The following PRMT7 variants were observed in gnomAD, a reference collection of about 807,000 sequenced individuals.
The protein encoded by PRMT7 is protein arginine methyltransferase 7.
Under a neutral mutation model 85.4 loss-of-function variants are expected in PRMT7, and 75 were observed. The observed-to-expected ratio is 0.88, with a 90% CI of 0.73 to 1.06. The LOEUF is 1.06. PRMT7 is among the 50% of genes least tolerant of loss of function. The pLI is 0.00. For synonymous variants in PRMT7, 397 were observed against 359.5 expected (o/e 1.10, Z -1.18); for missense variants, 868 against 915.2 (o/e 0.95, Z 0.67).
rs772978483 is a variant in PRMT7 at position 68,353,511 on chromosome 16, G to C, written c.1595G>C (p.Ser532Thr). The C allele has an allele frequency of 8.0e-5, 129 of 1,607,738 alleles. No homozygotes were observed. Among genetic ancestry groups the C allele is most frequent in the Non-Finnish European group, 1.0e-4 (119 of 1,177,362 alleles). ...TCACAGGACCTGTGGCGGATCCGGA[G>C]CCCCTGTGGTGACTGCGAAGGCTTC... is the stretch of plus-strand genomic sequence containing the variant. ...VEFRDLWRIR[S>T]PCGDCEGFDV... Residue 532 changes from serine (S) to threonine (T), a missense_variant, in exon 16 of 19, where the codon AGC becomes ACC. Physicochemically the swap from Ser to Thr is moderately conservative, Grantham distance 58 (BLOSUM62 1). Transcript: ENST00000441236.
chr16:68,324,958 C>G, intron 5 of PRMT7, 126 bp downstream of exon 5: 3 of 1,262,848 alleles, frequency 2.4e-6, no homozygotes, highest in Non-Finnish European at 3.3e-6. Flanking sequence ...AGCACAGAGC[C>G]AGGCTCTGAG....
intron 5 of PRMT7, among the ~76,000 whole-genome samples, chr16:68,327,280 T>G (rs1414502198): frequency 6.6e-6 from 1 of 152,208 alleles, no homozygotes; most frequent in Non-Finnish European, 1.5e-5. Flanking sequence ...GGTTTCCACT[T>G]CGTGTGTAGG....
At chr16:68,358,787 G>C (rs535020538), downstream of PRMT7, 6 of 152,588 alleles carry the variant, frequency 3.9e-5, no homozygotes, top group Admixed American at 2.0e-4. Flanking sequence ...GCCCACCCCT[G>C]CTAGGCCTTA....
At chr16:68,349,256 T>A (rs1220763709) in intron 14 of PRMT7, among the ~76,000 whole-genome samples, 1 of 152,140 alleles carries the variant, frequency 6.6e-6, no homozygotes, top group Non-Finnish European at 1.5e-5. Flanking sequence ...CACTGCTCCG[T>A]GGCACTCTCC....
Position 68,355,805 on chromosome 16 carries a change from G to A in PRMT7, c.1733G>A (p.Trp578Ter). The stretch of plus-strand genomic sequence containing the variant: ...CCATGCCGCAGCCTCTCCGAGCCCT[G>A]GCAGATCCTGACCTTTGACTTCCAG... Reference protein sequence around the residue: ...EYPCRSLSEPWQILTFDFQQP... With the variant: ...EYPCRSLSEP The change falls in exon 17 of 19, where the codon TGG (tryptophan) becomes TAG (stop). Residue 578 changes from tryptophan (W) to a stop codon, truncating the protein, a stop_gained. Coordinates refer to ENST00000441236, the MANE Select transcript of PRMT7 (RefSeq NM_019023.5). LOFTEE classifies it high-confidence loss of function. 1 of 1,611,730 alleles carries A rather than the reference G, an allele frequency of 6.2e-7. No individual in the cohort carries two copies. The highest frequency in any genetic ancestry group is 1.1e-5 in the South Asian group (1 of 90,916).
intron 6 of PRMT7, among the ~76,000 whole-genome samples, chr16:68,335,836 G>A (rs2084605672): frequency 6.6e-6 from 1 of 151,426 alleles, no homozygotes; most frequent in Non-Finnish European, 1.5e-5. Context: ...GAGTGCAGTG[G>A]CGTGATCTCG....
At chr16:68,348,952 C>T (rs2086848207) in intron 14 of PRMT7, among the ~76,000 whole-genome samples, 1 of 152,102 alleles carries the variant, frequency 6.6e-6, no homozygotes, top group South Asian at 2.1e-4. Flanking sequence ...CTGCTCTTAG[C>T]TCAGCCTCAT....
intron 6 of PRMT7, among the ~76,000 whole-genome samples, chr16:68,335,846 G>A (rs892557760): frequency 6.7e-6 from 1 of 148,296 alleles, no homozygotes; most frequent in Non-Finnish European, 1.5e-5. Flanking sequence ...GCGTGATCTC[G>A]GCTCACTGCA....
At chr16:68,330,699 A>T (rs2083744826) in intron 6 of PRMT7, among the ~76,000 whole-genome samples, 1 of 152,052 alleles carries the variant, frequency 6.6e-6, no homozygotes. Flanking sequence ...TGTTCAAGCG[A>T]TTCTCCTGCT....
chr16:68,357,116 TCCCAGAG>T lies in PRMT7; in HGVS notation c.1973_1979del (p.Pro658HisfsTer37). ...TCTACTTCTTCAGCCCTGCCCCAGA[TCCCAGAG>T]CACTGCTGGGTGGCCCACGGACTGT... On this transcript the variant is annotated frameshift_variant, in exon 19 of 19. Coordinates refer to ENST00000441236, the MANE Select transcript of PRMT7 (RefSeq NM_019023.5). LOFTEE classifies it low-confidence loss of function (END_TRUNC). 1 of 1,613,912 alleles carries T rather than the reference TCCCAGAG, an allele frequency of 6.2e-7. No homozygotes were observed. The highest frequency in any genetic ancestry group is 8.5e-7 in the Non-Finnish European group (1 of 1,179,996).
At chr16:68,336,321 C>T (rs1432106718) in intron 6 of PRMT7, among the ~76,000 whole-genome samples, 5 of 152,234 alleles carry the variant, frequency 3.3e-5, no homozygotes, top group Non-Finnish European at 7.3e-5. Flanking sequence ...GAAGATCCCT[C>T]CCAAATCCTA....
chr16:68,318,441 C>T (rs1465154644), intron 3 of PRMT7, among the ~76,000 whole-genome samples: 6 of 152,148 alleles, frequency 3.9e-5, no homozygotes, highest in East Asian at 3.8e-4. Flanking sequence ...CCTTGTGATC[C>T]GCCCGCCTCG....
In PRMT7 at chr16:68,347,594, G is replaced by A. The variant is rs771352807; in HGVS notation, c.1276-37G>A. 15 of 1,594,172 alleles carry A rather than the reference G, an allele frequency of 9.4e-6. No individual in the cohort carries two copies. The East Asian group carries it at 2.7e-4, about 29-fold the overall frequency. On this transcript the variant is annotated intron_variant, in intron 12 of 18. Coordinates refer to ENST00000441236, the MANE Select transcript of PRMT7 (RefSeq NM_019023.5). Reference sequence around the variant, plus strand: ...ATCTTTAATTTCTTCTCTGTTAAGTGAATATCTTACAACTAATAGCGTGGT... The same window carrying A: ...ATCTTTAATTTCTTCTCTGTTAAGTAAATATCTTACAACTAATAGCGTGGT...
At chr16:68,339,607 A>G (rs1202908895) in intron 8 of PRMT7, 44 bp downstream of exon 8, 5 of 1,607,262 alleles carry the variant, frequency 3.1e-6, no homozygotes, top group African/African-American at 2.7e-5. Context: ...GAGACATTTG[A>G]TGGAAGTTGG....
At position 68,339,829 on chromosome 16, in the gene PRMT7, A is replaced by G. The variant is rs2085250182; in HGVS notation, c.788A>G (p.His263Arg). The G allele has an allele frequency of 6.2e-7, 1 of 1,614,042 alleles. No individual in the cohort carries two copies. Among genetic ancestry groups the G allele is most frequent in the African/African-American group, 1.3e-5 (1 of 74,946 alleles). Residue 263 changes from histidine (H) to arginine (R), a missense_variant, in exon 9 of 19, where the codon CAT becomes CGT. Coordinates refer to ENST00000441236, the MANE Select transcript of PRMT7 (RefSeq NM_019023.5). ...SKQVSSSAAC[H>R]SRRFEPLTSG... Reference sequence around the variant, plus strand: ...CAAGTCAGTAGCTCAGCAGCCTGCCATAGCAGGCGGTTTGAACCTCTGACA... The same window carrying G: ...CAAGTCAGTAGCTCAGCAGCCTGCCGTAGCAGGCGGTTTGAACCTCTGACA...
At chr16:68,317,912 T>C (rs1160075001) in intron 3 of PRMT7, among the ~76,000 whole-genome samples, 2 of 150,064 alleles carry the variant, frequency 1.3e-5, no homozygotes, top group Non-Finnish European at 3.0e-5. Context: ...GCAGCTGGAG[T>C]GTGGTACAAA....
Position 68,321,480 on chromosome 16 carries a change from CTAT to C in PRMT7, c.132+22_132+24del, listed in dbSNP as rs769060343. 9.3e-5 allele frequency: 148 copies of C among 1,597,770 alleles called. 2 individuals carry two copies. In the South Asian group the frequency reaches 1.6e-3, roughly 17 times the overall value. On this transcript the variant is annotated intron_variant, in intron 4 of 18. Coordinates refer to ENST00000441236, the MANE Select transcript of PRMT7 (RefSeq NM_019023.5). ...AAGACAGAGTAAGTGTAAAAGGAAA[CTAT>C]TATCTTGATGTGGGGTGTTTTGAAG... is the stretch of plus-strand genomic sequence containing the variant.
In PRMT7 at chr16:68,353,548, C is replaced by G. The variant is rs1567743666; in HGVS notation, c.1632C>G (p.Ile544Met). 5.0e-6 allele frequency: 8 copies of G among 1,589,742 alleles called. No homozygotes were observed. Among genetic ancestry groups the G allele is most frequent in the African/African-American group, 1.4e-5 (1 of 73,704 alleles). The stretch of plus-strand genomic sequence containing the variant: ...ACTGCGAAGGCTTCGACGTGCACAT[C>G]ATGGACGACATGATTAAGGTAGGCA... ...CGDCEGFDVH[I>M]MDDMIKRALD... The change falls in exon 16 of 19, where the codon ATC becomes ATG. Residue 544 changes from isoleucine to methionine, a missense_variant. Ile to Met is a conservative substitution (Grantham distance 10). Coordinates refer to ENST00000441236, the MANE Select transcript of PRMT7 (RefSeq NM_019023.5).
chr16:68,353,350 T>A (rs745309038), intron 15 of PRMT7, 142 bp from the exon 16 acceptor site: 1 of 1,482,136 alleles, frequency 6.7e-7, no homozygotes, highest in South Asian at 1.3e-5. Flanking sequence ...CCGTTGTGGA[T>A]CTTTGTTCTC....
Sources: allele counts gnomAD v4.1 joint callset (sites outside exome capture counted in the v4.1 genomes callset), GRCh38; gene constraint gnomAD v4.1.1; transcripts MANE v1.5; gene names NCBI Gene and HGNC (gene_info 2026-07-23, HGNC 2026-07-21).